SNTB2: variants seen among roughly 807,000 people sequenced by gnomAD.
SNTB2 encodes syntrophin beta 2.
SNTB2 carries 34 observed loss-of-function variants against 46.2 expected under a neutral mutation model. The ratio of observed to expected loss-of-function variants is 0.74; its 90% CI spans 0.56 to 0.98. SNTB2 has a LOEUF of 0.98. Among genes scored for constraint, SNTB2 ranks in the 50% least tolerant of loss-of-function variants. The probability of loss-of-function intolerance (pLI) is 0.00; values close to 1 mark genes in which losing one functional copy is unlikely to be tolerated. For synonymous variants in SNTB2, 290 were observed against 312.6 expected (o/e 0.93, Z 0.76); for missense variants, 603 against 731.4 (o/e 0.82, Z 2.02).
At chr16:69,253,581 G>A (rs1188527092) in intron 2 of SNTB2, among the ~76,000 whole-genome samples, 2 of 152,134 alleles carry the variant, frequency 1.3e-5, no homozygotes, top group East Asian at 1.9e-4. Flanking sequence ...CCCAGGAGGC[G>A]GAGCTTGCAT....
intron 1 of SNTB2, among the ~76,000 whole-genome samples, chr16:69,217,826 G>A (rs1248207761): frequency 1.3e-5 from 2 of 152,116 alleles, no homozygotes; most frequent in African/African-American, 2.4e-5. Flanking sequence ...TTATAAATAA[G>A]CATGTTGTAG....
At chr16:69,240,345 C>T (rs1005139275) in intron 1 of SNTB2, among the ~76,000 whole-genome samples, 6 of 152,208 alleles carry the variant, frequency 3.9e-5, no homozygotes, top group Non-Finnish European at 8.8e-5. Flanking sequence ...GCAGTCTACT[C>T]AAACCCCAAA....
intron 1 of SNTB2, among the ~76,000 whole-genome samples, chr16:69,225,996 G>A (rs1343551262): frequency 6.6e-6 from 1 of 152,094 alleles, no homozygotes; most frequent in Admixed American, 6.6e-5. Flanking sequence ...TCAAACTACT[G>A]ATCTCAAGTG....
intron 1 of SNTB2, among the ~76,000 whole-genome samples, chr16:69,199,206 T>C (rs1309795985): frequency 6.6e-6 from 1 of 152,134 alleles, no homozygotes; most frequent in Admixed American, 6.5e-5. Context: ...ATAATAATGA[T>C]TTTTAACACT....
chr16:69,243,638 C>G (rs1964640133), intron 1 of SNTB2, among the ~76,000 whole-genome samples: 7 of 152,212 alleles, frequency 4.6e-5, no homozygotes. Flanking sequence ...AAGCATGCCT[C>G]TGCCATTTGC....
chr16:69,193,551 A>T (rs1351340726), intron 1 of SNTB2, among the ~76,000 whole-genome samples: 3 of 149,232 alleles, frequency 2.0e-5, no homozygotes, highest in Non-Finnish European at 1.5e-5. Context: ...CTGGTCTCAA[A>T]CTCCTGACCT....
At position 69,201,799 on chromosome 16, in the gene SNTB2, A is replaced by G. The variant is rs184506845; in HGVS notation, c.580+14053A>G. ...AGGGTAATAATTTTGAGTTTGGTTA[A>G]AACATGAGAATTCAATAGTATTATT... On this transcript the variant is annotated intron_variant, in intron 1 of 6. Transcript: ENST00000336278. Among the ~76,000 whole-genome samples, 696 of 152,320 alleles carry G rather than the reference A, an allele frequency of 4.6e-3. 4 individuals are homozygous for G. The highest frequency in any genetic ancestry group is 0.016 in the African/African-American group (645 of 41,578).
chr16:69,210,507 G>A (rs1964272448), intron 1 of SNTB2, among the ~76,000 whole-genome samples: 2 of 150,334 alleles, frequency 1.3e-5, no homozygotes, highest in African/African-American at 4.9e-5. Context: ...CAGAGTGCTA[G>A]GATTACAGGC....
chr16:69,288,492 A>T (rs1394910788), intron 5 of SNTB2, among the ~76,000 whole-genome samples: 1 of 152,168 alleles, frequency 6.6e-6, no homozygotes, highest in African/African-American at 2.4e-5. Context: ...TTTTAATATT[A>T]CCTTGGTAAC....
At chr16:69,272,267 A>G (rs1054076495) in intron 4 of SNTB2, among the ~76,000 whole-genome samples, 1 of 152,156 alleles carries the variant, frequency 6.6e-6, no homozygotes, top group East Asian at 1.9e-4. Flanking sequence ...TTGGCCAGGC[A>G]TGGTGGCTTA....
At chr16:69,295,869 C>G (rs979740534) in intron 5 of SNTB2, among the ~76,000 whole-genome samples, 2 of 152,160 alleles carry the variant, frequency 1.3e-5, no homozygotes, top group African/African-American at 4.8e-5. Context: ...ATCATTGCAT[C>G]ACTGTGGTGT....
intron 1 of SNTB2, among the ~76,000 whole-genome samples, chr16:69,227,833 T>G (rs2152294488): frequency 6.8e-6 from 1 of 147,302 alleles, no homozygotes; most frequent in East Asian, 2.0e-4. Flanking sequence ...AGCTTGCTGT[T>G]TCTCTGGATT....
At chr16:69,280,223 TAGTACAGA>T (rs1965026655) in intron 4 of SNTB2, among the ~76,000 whole-genome samples, 1 of 152,210 alleles carries the variant, frequency 6.6e-6, no homozygotes, top group African/African-American at 2.4e-5. Context: ...GAATTTTTCT[TAGTACAGA>T]ACAAAATGAA....
intron 1 of SNTB2, among the ~76,000 whole-genome samples, chr16:69,189,249 G>C (rs1964025821): frequency 1.3e-5 from 2 of 152,078 alleles, no homozygotes; most frequent in South Asian, 4.1e-4. Context: ...TCGGAAATTA[G>C]TGTTAATAGA....
At chr16:69,208,045 G>T (rs993272270) in intron 1 of SNTB2, among the ~76,000 whole-genome samples, 5 of 148,862 alleles carry the variant, frequency 3.4e-5, no homozygotes, top group Middle Eastern at 6.9e-3. Flanking sequence ...GGAGGTAGAG[G>T]TTGCAGTAAG....
At position 69,304,764 on chromosome 16, in the gene SNTB2, A is replaced by C. The variant is rs1965303285; in HGVS notation, c.*3840A>C. 6.6e-6 allele frequency: 1 copy of C among 152,028 alleles called. No homozygotes were observed. 9.4% of individuals were successfully genotyped at this position (152,028 alleles called of 1,614,324 possible). A position where few individuals can be genotyped will look rare whatever the true frequency, so the allele number is the denominator to read the frequency against. On this transcript the variant is annotated 3_prime_UTR_variant, in exon 7 of 7. Transcript: ENST00000336278. ...CTGCAGCCTCAACCTTCTGGGCTCA[A>C]ATGATCCTTTCACCTCAGCCTCCTG...
intron 4 of SNTB2, among the ~76,000 whole-genome samples, chr16:69,278,889 AGTGTGTGTGTGTG>A (rs1965008068): frequency 7.1e-6 from 1 of 140,912 alleles, no homozygotes; most frequent in African/African-American, 2.6e-5. Context: ...AGGTGGGAAG[AGTGTGTGTGTGTG>A]TGTGTGTGTG....
intron 5 of SNTB2, among the ~76,000 whole-genome samples, chr16:69,295,731 GAA>G (rs540308887): frequency 2.5e-5 from 3 of 122,226 alleles, no homozygotes; most frequent in African/African-American, 3.1e-5. Flanking sequence ...AATTTATACT[GAA>G]AAAAAAAAAA....
chr16:69,274,593 C>T (rs1458160223), intron 4 of SNTB2, among the ~76,000 whole-genome samples: 1 of 148,014 alleles, frequency 6.8e-6, no homozygotes, highest in Non-Finnish European at 1.5e-5. Context: ...GCAGAGCTCG[C>T]AGTGAGCCAA....
Sources: allele counts gnomAD v4.1 joint callset (sites outside exome capture counted in the v4.1 genomes callset), GRCh38; gene constraint gnomAD v4.1.1; transcripts MANE v1.5; gene names NCBI Gene and HGNC (gene_info 2026-07-23, HGNC 2026-07-21).